The following DCAF7 variants were observed in gnomAD, a reference collection of about 807,000 sequenced individuals.
DCAF7 encodes DDB1 and CUL4 associated factor 7.
A neutral mutation model predicts 41.2 loss-of-function variants in DCAF7; 4 were observed. The ratio of observed to expected loss-of-function variants is 0.10; its 90% CI spans 0.05 to 0.22. The LOEUF (loss-of-function observed/expected upper bound fraction) is 0.22. Ranked by LOEUF, DCAF7 falls within the 10% of genes least tolerant of loss-of-function variation. DCAF7 has a pLI of 1.00. For missense variants in DCAF7, 131 were observed against 443.2 expected, an observed-to-expected ratio of 0.30 and a Z score of 6.32; for synonymous variants, 143 against 164.2, an observed-to-expected ratio of 0.87 and a Z score of 0.99.
chr17:63,567,388 T>C (rs560725371), intron 1 of DCAF7, among the ~76,000 whole-genome samples: 17 of 152,352 alleles, frequency 1.1e-4, no homozygotes, highest in African/African-American at 3.4e-4. Context: ...GAAGAGCCAG[T>C]GTCAGTTTGG....
At chr17:63,579,970 C>T (rs766872143) in intron 4 of DCAF7, 27 bp downstream of exon 4, 7 of 1,576,068 alleles carry the variant, frequency 4.4e-6, no homozygotes, top group Non-Finnish European at 6.1e-6. Flanking sequence ...TTTCGTCTTT[C>T]CTCAAATGCT....
At chr17:63,583,243 G>C (rs2033642940) in intron 4 of DCAF7, among the ~76,000 whole-genome samples, 1 of 152,178 alleles carries the variant, frequency 6.6e-6, no homozygotes, top group African/African-American at 2.4e-5. Flanking sequence ...TTTTATCACG[G>C]GTTGGAGGAA....
chr17:63,583,046 A>G (rs1387590931), intron 4 of DCAF7, among the ~76,000 whole-genome samples: 2 of 152,190 alleles, frequency 1.3e-5, no homozygotes, highest in African/African-American at 2.4e-5. Flanking sequence ...GTTTCACAGA[A>G]TCAGCTTGGC....
intron 1 of DCAF7, among the ~76,000 whole-genome samples, chr17:63,561,033 G>T (rs908542941): frequency 1.4e-4 from 22 of 152,212 alleles, no homozygotes; most frequent in African/African-American, 5.3e-4. Context: ...ACTTTGGGAG[G>T]CTGAGGCAGT....
Position 63,585,249 on chromosome 17 carries a change from C to T in DCAF7, c.777C>T (p.Val259=), listed in dbSNP as rs2292422. 51 of 1,613,880 alleles carry T rather than the reference C, an allele frequency of 3.2e-5. No individual in the cohort carries two copies. Among genetic ancestry groups the T allele is most frequent in the East Asian group, 2.2e-4 (10 of 44,894 alleles). The change falls in exon 6 of 7, where the codon GTC becomes GTT. Residue 259 remains valine, a synonymous_variant. Coordinates refer to ENST00000614556, the MANE Select transcript of DCAF7 (RefSeq NM_005828.5). The part of the protein sequence containing the change: ...ILDVRVPCTP[V]ARLNNHRACV... ...ATGTCCGGGTTCCCTGCACACCTGTCGCCAGGTTAAACAACCATCGAGCAT... is the reference window on the plus strand; with the variant it reads ...ATGTCCGGGTTCCCTGCACACCTGTTGCCAGGTTAAACAACCATCGAGCAT...
intron 2 of DCAF7, 122 bp downstream of exon 2, chr17:63,578,750 G>A: frequency 7.4e-7 from 1 of 1,356,770 alleles, no homozygotes; most frequent in South Asian, 1.3e-5. Flanking sequence ...CACAGGAGAA[G>A]CAAGCGAAGC....
chr17:63,559,355 A>G (rs1311535524), intron 1 of DCAF7, among the ~76,000 whole-genome samples: 2 of 133,296 alleles, frequency 1.5e-5, no homozygotes, highest in African/African-American at 6.1e-5. Flanking sequence ...ATACGTATAT[A>G]TATGTATGTA....
Position 63,589,334 on chromosome 17 carries a change from C to T in DCAF7, c.*162C>T, listed in dbSNP as rs1280690300. The T allele has an allele frequency of 6.3e-6, 6 of 952,058 alleles. No homozygotes were observed. The African/African-American group carries it at 8.1e-5, about 13-fold the overall frequency. The allele number at this position is 952,058 out of a possible 1,614,324, so 59.0% of individuals were successfully genotyped here. A position where few individuals can be genotyped will look rare whatever the true frequency, so the allele number is the denominator to read the frequency against. On this transcript the variant is annotated 3_prime_UTR_variant, in exon 7 of 7. Coordinates refer to ENST00000614556, the MANE Select transcript of DCAF7 (RefSeq NM_005828.5). ...TCTAGGAGTTCCTGGCCAGTCACCC[C>T]ATCGCCCTCTGTGGCAGACTCAGTG...
In DCAF7 at chr17:63,585,270, A is replaced by G. The variant is rs375485650; in HGVS notation, c.798A>G (p.Arg266=). ...CTPVARLNNH[R]ACVNGIAWAP... is the part of the protein sequence containing the mutation. Reference sequence around the variant, plus strand: ...CTGTCGCCAGGTTAAACAACCATCGAGCATGTGTCAATGGCATTGCTTGGG... The same window carrying G: ...CTGTCGCCAGGTTAAACAACCATCGGGCATGTGTCAATGGCATTGCTTGGG... The change falls in exon 6 of 7, where the codon CGA becomes CGG. Residue 266 remains arginine (R), a synonymous_variant. Coordinates refer to ENST00000614556, the MANE Select transcript of DCAF7 (RefSeq NM_005828.5). 5.0e-6 allele frequency: 8 copies of G among 1,613,848 alleles called. No individual in the cohort carries two copies. The highest frequency in any genetic ancestry group is 6.8e-6 in the Non-Finnish European group (8 of 1,179,892).
chr17:63,576,981 A>G (rs769733858), intron 1 of DCAF7, among the ~76,000 whole-genome samples: 5 of 152,254 alleles, frequency 3.3e-5, no homozygotes, highest in Non-Finnish European at 7.3e-5. Flanking sequence ...AAAAGAAGCA[A>G]CTACTGATAC....
At chr17:63,552,997 G>A (rs2033273383) in intron 1 of DCAF7, among the ~76,000 whole-genome samples, 2 of 152,136 alleles carry the variant, frequency 1.3e-5, no homozygotes, top group Admixed American at 1.3e-4. Context: ...GTAGATCAGG[G>A]TTCTTAAATT....
rs1212866703 is a variant in DCAF7 at position 63,593,620 on chromosome 17, T to C, written c.*4448T>C. 4 of 152,640 alleles carry C rather than the reference T, an allele frequency of 2.6e-5. No individual in the cohort carries two copies. The highest frequency in any genetic ancestry group is 4.4e-5 in the Non-Finnish European group (3 of 68,044). 9.5% of individuals were successfully genotyped at this position (152,640 alleles called of 1,614,324 possible). A position where few individuals can be genotyped will look rare whatever the true frequency, so the allele number is the denominator to read the frequency against. On this transcript the variant is annotated 3_prime_UTR_variant, in exon 7 of 7. Coordinates refer to ENST00000614556, the MANE Select transcript of DCAF7 (RefSeq NM_005828.5). ...TGTGATATCTACTATTTAAAAGAAA[T>C]GTTCTCACCTTGGGTTGATTGTGGT...
At chr17:63,585,359 A>G (rs1377140728) in intron 6 of DCAF7, 31 bp downstream of exon 6, 1 of 1,576,204 alleles carries the variant, frequency 6.3e-7, no homozygotes. Context: ...GAAATCTGGG[A>G]AGGATGGAGG....
chr17:63,564,501 C>G (rs2033419799), intron 1 of DCAF7, among the ~76,000 whole-genome samples: 1 of 152,148 alleles, frequency 6.6e-6, no homozygotes, highest in East Asian at 1.9e-4. Flanking sequence ...GGTGCTGCTC[C>G]CTGGTGAACT....
At chr17:63,565,490 C>T (rs937761428) in intron 1 of DCAF7, among the ~76,000 whole-genome samples, 21 of 151,812 alleles carry the variant, frequency 1.4e-4, no homozygotes, top group African/African-American at 3.9e-4. Flanking sequence ...CACTTGAACC[C>T]GGGAGGTAGA....
At chr17:63,580,919 T>A (rs1412605761) in intron 4 of DCAF7, among the ~76,000 whole-genome samples, 1 of 152,184 alleles carries the variant, frequency 6.6e-6, no homozygotes, top group Non-Finnish European at 1.5e-5. Flanking sequence ...TACTCTCATC[T>A]CCTGTGGGTA....
chr17:63,581,815 T>C (rs1313084215), intron 4 of DCAF7, among the ~76,000 whole-genome samples: 1 of 152,204 alleles, frequency 6.6e-6, no homozygotes. Flanking sequence ...CTTTGATTTT[T>C]CTCAGTCCAC....
chr17:63,576,097 G>A (rs2033559021), intron 1 of DCAF7, among the ~76,000 whole-genome samples: 1 of 152,192 alleles, frequency 6.6e-6, no homozygotes, highest in Admixed American at 6.5e-5. Flanking sequence ...ATGCAAAGGA[G>A]AAAGAATTCT....
intron 1 of DCAF7, among the ~76,000 whole-genome samples, chr17:63,558,065 T>C (rs927842117): frequency 6.6e-6 from 1 of 152,080 alleles, no homozygotes; most frequent in Admixed American, 6.6e-5. Flanking sequence ...CCGCTAATTT[T>C]TGTATTTCTT....
Sources: allele counts gnomAD v4.1 joint callset (sites outside exome capture counted in the v4.1 genomes callset), GRCh38; gene constraint gnomAD v4.1.1; transcripts MANE v1.5; gene names NCBI Gene and HGNC (gene_info 2026-07-23, HGNC 2026-07-21).